The following TENM4 variants were observed in gnomAD, a reference collection of about 807,000 sequenced individuals.
TENM4 encodes teneurin-4.
TENM4 carries 82 observed loss-of-function variants against 243.3 expected under a neutral mutation model. That is an observed-to-expected ratio of 0.34 (90% CI 0.28 to 0.40). The LOEUF (loss-of-function observed/expected upper bound fraction) is 0.40, where lower values mean the gene tolerates loss of function less well. TENM4 is among the 10% of genes least tolerant of loss of function. The probability of loss-of-function intolerance (pLI) is 1.00; values close to 1 mark genes in which losing one functional copy is unlikely to be tolerated. For synonymous variants in TENM4, 1,412 were observed against 1,456.3 expected, an observed-to-expected ratio of 0.97 and a Z score of 0.69; for missense variants, 3,138 against 3,673.3, an observed-to-expected ratio of 0.85 and a Z score of 3.77.
At chr11:79,296,324 CCG>C (rs1856453250) in intron 2 of TENM4, among the ~76,000 whole-genome samples, 2 of 151,618 alleles carry the variant, frequency 1.3e-5, no homozygotes, top group Non-Finnish European at 3.0e-5. Context: ...AAGAAGGGGG[CCG>C]GGGGGCTGTG....
rs1857813947 is a variant in TENM4, at chr11:78,653,276, A to T, written c.*4782T>A. 1 of 152,096 alleles carries T rather than the reference A, an allele frequency of 6.6e-6. No individual in the cohort carries two copies. Among genetic ancestry groups the T allele is most frequent in the South Asian group, 2.1e-4 (1 of 4,834 alleles). 9.4% of individuals were successfully genotyped at this position (152,096 alleles called of 1,614,324 possible). The stretch of plus-strand genomic sequence containing the variant: ...TTTATCTCCAAGCAAAGGCCACCAG[A>T]CACCTGTAAACACAAAATAGTCTTT... On this transcript the variant is annotated 3_prime_UTR_variant, in exon 34 of 34. Transcript: ENST00000278550.
chr11:78,875,703 C>T (rs1245718968), intron 9 of TENM4, among the ~76,000 whole-genome samples: 1 of 152,164 alleles, frequency 6.6e-6, no homozygotes, highest in Non-Finnish European at 1.5e-5. Context: ...GCCTCAGTTT[C>T]TCATCTATGG....
chr11:78,807,881 C>A (rs1857423432), intron 14 of TENM4, among the ~76,000 whole-genome samples: 1 of 152,194 alleles, frequency 6.6e-6, no homozygotes, highest in African/African-American at 2.4e-5. Context: ...CTGCTCTGTG[C>A]TTCCCATCTA....
chr11:79,144,041 C>T (rs1862346409), intron 4 of TENM4, among the ~76,000 whole-genome samples: 1 of 151,824 alleles, frequency 6.6e-6, no homozygotes, highest in South Asian at 2.1e-4. Flanking sequence ...AAATGTTTAC[C>T]AACTATTCAT....
intron 2 of TENM4, among the ~76,000 whole-genome samples, chr11:79,279,237 T>C (rs769427547): frequency 2.6e-5 from 4 of 152,202 alleles, no homozygotes; most frequent in Non-Finnish European, 2.9e-5. Context: ...CACAGCTGTT[T>C]CTTCATCACC....
intron 6 of TENM4, among the ~76,000 whole-genome samples, chr11:79,009,721 C>T (rs1337950225): frequency 1.3e-5 from 2 of 152,156 alleles, no homozygotes; most frequent in African/African-American, 2.4e-5. Context: ...ACTTGACCAA[C>T]GTCTTGGGGA....
At chr11:78,968,053 T>G (rs150026420) in intron 6 of TENM4, among the ~76,000 whole-genome samples, 2 of 152,308 alleles carry the variant, frequency 1.3e-5, no homozygotes, top group African/African-American at 4.8e-5. Context: ...GCCCTCCCCC[T>G]GGAAATGAAT....
intron 18 of TENM4, among the ~76,000 whole-genome samples, chr11:78,762,539 C>T (rs1200244019): frequency 6.6e-6 from 1 of 152,198 alleles, no homozygotes; most frequent in Non-Finnish European, 1.5e-5. Context: ...ATGTCTTACT[C>T]CATGCTTCCC....
At chr11:79,360,380 A>G (rs1333889029) in intron 1 of TENM4, among the ~76,000 whole-genome samples, 1 of 152,222 alleles carries the variant, frequency 6.6e-6, no homozygotes, top group African/African-American at 2.4e-5. Flanking sequence ...AGAAAGGCAC[A>G]TGACATTTCT....
chr11:78,930,602 C>G (rs1468770183), intron 6 of TENM4, among the ~76,000 whole-genome samples: 1 of 152,190 alleles, frequency 6.6e-6, no homozygotes, highest in Non-Finnish European at 1.5e-5. Context: ...ATGTCAGGAT[C>G]CTGGGGAAGA....
intron 2 of TENM4, among the ~76,000 whole-genome samples, chr11:79,239,042 A>G (rs1158374523): frequency 2.6e-5 from 4 of 151,844 alleles, no homozygotes. Context: ...CAAACAAACA[A>G]ACACGCAAAA....
intron 6 of TENM4, among the ~76,000 whole-genome samples, chr11:78,959,106 A>G (rs1857265202): frequency 6.6e-6 from 1 of 152,192 alleles, no homozygotes; most frequent in Admixed American, 6.5e-5. Flanking sequence ...TCTCTGCTAC[A>G]CTGTGGTCCT....
intron 17 of TENM4, among the ~76,000 whole-genome samples, chr11:78,771,518 G>A (rs1434703266): frequency 6.6e-6 from 1 of 152,206 alleles, no homozygotes; most frequent in East Asian, 1.9e-4. Context: ...TCATTCTCAT[G>A]TGTTCCTCTT....
chr11:78,746,911 T>A (rs1415160956), intron 19 of TENM4, among the ~76,000 whole-genome samples: 1 of 152,194 alleles, frequency 6.6e-6, no homozygotes, highest in Admixed American at 6.5e-5. Context: ...GACAAGTTCA[T>A]TTCATGACCA....
chr11:78,830,981 CA>C (rs1212355885), intron 12 of TENM4, among the ~76,000 whole-genome samples: 2 of 152,184 alleles, frequency 1.3e-5, no homozygotes, highest in African/African-American at 4.8e-5. Flanking sequence ...ATGTGCTAGG[CA>C]CTGTGATAAA....
intron 33 of TENM4, 97 bp downstream of exon 33, chr11:78,661,352 T>C: frequency 6.8e-7 from 1 of 1,462,810 alleles, no homozygotes; most frequent in Non-Finnish European, 9.2e-7. Flanking sequence ...ACCACATTGG[T>C]GTCTATCACT....
At chr11:79,066,734 ACGCACATG>A (rs1338793366) in intron 5 of TENM4, among the ~76,000 whole-genome samples, 4 of 149,096 alleles carry the variant, frequency 2.7e-5, no homozygotes, top group African/African-American at 1.0e-4. Flanking sequence ...ACACACGCGC[ACGCACATG>A]CACACACGCA....
chr11:79,268,971 C>T (rs971880813), intron 2 of TENM4, among the ~76,000 whole-genome samples: 3 of 152,178 alleles, frequency 2.0e-5, no homozygotes, highest in East Asian at 1.9e-4. Flanking sequence ...GAATCAAAAA[C>T]ATATATTAGA....
intron 4 of TENM4, among the ~76,000 whole-genome samples, chr11:79,127,966 C>A (rs1174933583): frequency 6.6e-6 from 1 of 152,174 alleles, no homozygotes; most frequent in African/African-American, 2.4e-5. Context: ...GGAGGCAAGA[C>A]ATTCCTCATC....
Sources: gnomAD v4.1 joint callset for allele counts (sites outside exome capture counted in the v4.1 genomes callset) on GRCh38, gnomAD v4.1.1 for gene constraint, MANE v1.5 for transcripts, NCBI Gene and HGNC (gene_info 2026-07-23, HGNC 2026-07-21) for gene names.